Variants in PHF20 observed in about 807,000 individuals in gnomAD.
PHF20 encodes PHD finger protein 20, also known as glioma-expressed antigen 2.
Under a neutral mutation model 113.5 loss-of-function variants are expected in PHF20, and 23 were observed. That is an observed-to-expected ratio of 0.20 (90% CI 0.15 to 0.29). The LOEUF (loss-of-function observed/expected upper bound fraction) is 0.29. PHF20 is among the 10% of genes least tolerant of loss of function. The pLI, the probability that PHF20 is intolerant of heterozygous loss-of-function variation, is 1.00. For missense variants in PHF20, 943 were observed against 1,219.6 expected, an observed-to-expected ratio of 0.77 and a Z score of 3.38; for synonymous variants, 434 against 457.3, an observed-to-expected ratio of 0.95 and a Z score of 0.65.
chr20:35,804,731 T>C (rs1193132798), intron 2 of PHF20, among the ~76,000 whole-genome samples: 1 of 151,984 alleles, frequency 6.6e-6, no homozygotes, highest in Non-Finnish European at 1.5e-5. Context: ...TAAATTCCAG[T>C]TTTTCACCTG....
chr20:35,872,297 T>A (rs2054436533), intron 9 of PHF20, among the ~76,000 whole-genome samples: 1 of 151,700 alleles, frequency 6.6e-6, no homozygotes, highest in South Asian at 2.1e-4. Context: ...CCGAGGTGGG[T>A]GGATTGCCTG....
At chr20:35,867,076 C>T (rs2054332251) in intron 6 of PHF20, among the ~76,000 whole-genome samples, 1 of 152,056 alleles carries the variant, frequency 6.6e-6, no homozygotes, top group South Asian at 2.1e-4. Context: ...CAGTCAGCTC[C>T]TATTTATATA....
intron 9 of PHF20, among the ~76,000 whole-genome samples, chr20:35,881,652 T>C (rs955829809): frequency 6.6e-6 from 1 of 152,236 alleles, no homozygotes; most frequent in African/African-American, 2.4e-5. Flanking sequence ...CTTCAGACTT[T>C]ATCAGTTTTT....
chr20:35,890,422 T>G (rs1279612310), intron 9 of PHF20, among the ~76,000 whole-genome samples: 2 of 152,204 alleles, frequency 1.3e-5, no homozygotes, highest in African/African-American at 4.8e-5. Context: ...ATTGTTTGAT[T>G]AATAAAGGAG....
intron 10 of PHF20, among the ~76,000 whole-genome samples, chr20:35,912,881 G>A (rs556367647): frequency 6.6e-6 from 1 of 152,302 alleles, no homozygotes; most frequent in South Asian, 2.1e-4. Flanking sequence ...TTGAGGAGCA[G>A]TGATCTAAGT....
chr20:35,905,086 A>G (rs1329593764), intron 10 of PHF20, among the ~76,000 whole-genome samples: 1 of 151,950 alleles, frequency 6.6e-6, no homozygotes, highest in Non-Finnish European at 1.5e-5. Context: ...TGGCCTCCCA[A>G]AGTGCTGGGA....
intron 12 of PHF20, among the ~76,000 whole-genome samples, chr20:35,915,386 T>C (rs2147086867): frequency 6.6e-6 from 1 of 151,786 alleles, no homozygotes; most frequent in East Asian, 1.9e-4. Flanking sequence ...TTGTTTTGTT[T>C]TGCTTTGTTT....
intron 2 of PHF20, among the ~76,000 whole-genome samples, chr20:35,813,003 C>G (rs578074840): frequency 9.4e-4 from 143 of 152,342 alleles, no homozygotes; most frequent in African/African-American, 3.4e-3. Flanking sequence ...GAGTCTCCCT[C>G]TGTCGCCCAG....
chr20:35,913,679 A>G (rs1337842355), intron 11 of PHF20, among the ~76,000 whole-genome samples: 1 of 152,230 alleles, frequency 6.6e-6, no homozygotes, highest in East Asian at 1.9e-4. Context: ...CTCTTAAAAC[A>G]CATCTTTGAG....
intron 4 of PHF20, chr20:35,849,566 T>G: frequency 2.1e-6 from 1 of 467,586 alleles, no homozygotes; most frequent in Non-Finnish European, 4.4e-6. Flanking sequence ...CAAAAATGAT[T>G]AGGTTTGGAT....
intron 1 of PHF20, among the ~76,000 whole-genome samples, chr20:35,792,188 C>A (rs187575927): frequency 6.6e-6 from 1 of 151,772 alleles, no homozygotes; most frequent in East Asian, 1.9e-4. Flanking sequence ...CTATTTCTTT[C>A]TTCACTCTTC....
At chr20:35,807,072 G>A (rs904838419) in intron 2 of PHF20, among the ~76,000 whole-genome samples, 1 of 152,050 alleles carries the variant, frequency 6.6e-6, no homozygotes, top group Non-Finnish European at 1.5e-5. Flanking sequence ...TGGGATTACA[G>A]GCATGAGCCA....
In PHF20 at chr20:35,777,518, A is replaced by G. The variant is rs188126823; in HGVS notation, c.-33+5439A>G. On this transcript the variant is annotated intron_variant, in intron 1 of 17. Transcript: ENST00000374012. ...GTATCCTAAGTGCAAATACCATTTG[A>G]CAATTACTCGTGGTTGGGTGGGTGC... 6.2e-4 allele frequency among the ~76,000 whole-genome samples: 94 copies of G among 152,334 alleles called. No individual in the cohort carries two copies. In the East Asian group the frequency reaches 0.017, roughly 28 times the overall value.
chr20:35,884,448 T>TTTCTGTGGGGGCTGATTGCA (rs2054689608), intron 9 of PHF20, among the ~76,000 whole-genome samples: 1 of 152,200 alleles, frequency 6.6e-6, no homozygotes, highest in Non-Finnish European at 1.5e-5. Flanking sequence ...CCTTGTGGAA[T>TTTCTGTGGGGGCTGATTGCA]GAGTGCTCAG....
chr20:35,861,831 T>G (rs150423183), intron 5 of PHF20, among the ~76,000 whole-genome samples: 1 of 152,334 alleles, frequency 6.6e-6, no homozygotes, highest in African/African-American at 2.4e-5. Context: ...TATTTTTCCC[T>G]GTAGAACAAA....
intron 9 of PHF20, among the ~76,000 whole-genome samples, chr20:35,873,405 T>C (rs762974544): frequency 6.6e-6 from 1 of 151,614 alleles, no homozygotes; most frequent in Admixed American, 6.6e-5. Context: ...CTGGCCTAAA[T>C]GTAATTGTTG....
At chr20:35,794,673 A>G (rs1438440056) in intron 1 of PHF20, among the ~76,000 whole-genome samples, 1 of 152,028 alleles carries the variant, frequency 6.6e-6, no homozygotes, top group Non-Finnish European at 1.5e-5. Flanking sequence ...TTTTCCTCGA[A>G]AGTTCCAGAG....
intron 10 of PHF20, among the ~76,000 whole-genome samples, chr20:35,903,639 G>A (rs1049178852): frequency 1.3e-5 from 2 of 152,168 alleles, no homozygotes; most frequent in Non-Finnish European, 2.9e-5. Flanking sequence ...TTGCTGATAC[G>A]TTTAGCAGTT....
chr20:35,805,554 G>A (rs1413600296), intron 2 of PHF20, among the ~76,000 whole-genome samples: 3 of 151,700 alleles, frequency 2.0e-5, no homozygotes, highest in East Asian at 3.9e-4. Context: ...CACTGTGTTA[G>A]CCAAGATTTA....
Sources: gnomAD v4.1 joint callset for allele counts (sites outside exome capture counted in the v4.1 genomes callset) on GRCh38, gnomAD v4.1.1 for gene constraint, MANE v1.5 for transcripts, NCBI Gene and HGNC (gene_info 2026-07-23, HGNC 2026-07-21) for gene names.